ERC2: variants seen among roughly 807,000 people sequenced by gnomAD.
ERC2 encodes the protein ERC protein 2.
Under a neutral mutation model 114.8 loss-of-function variants are expected in ERC2, and 42 were observed. The observed-to-expected ratio is 0.37, with a 90% CI of 0.29 to 0.47. The LOEUF (loss-of-function observed/expected upper bound fraction) is 0.47, where lower values mean the gene tolerates loss of function less well. Ranked by LOEUF, ERC2 falls within the 20% of genes least tolerant of loss-of-function variation. The pLI, the probability that ERC2 is intolerant of heterozygous loss-of-function variation, is 0.99. For missense variants in ERC2, 939 were observed against 1,150.7 expected (o/e 0.82, Z 2.66); for synonymous variants, 454 against 425.5 (o/e 1.07, Z -0.82).
At chr3:56,114,728 T>C (rs1375018016) in intron 6 of ERC2, among the ~76,000 whole-genome samples, 2 of 152,196 alleles carry the variant, frequency 1.3e-5, no homozygotes, top group East Asian at 3.9e-4. Flanking sequence ...ATTGTAACAG[T>C]GAAAGAGATC....
At chr3:55,710,736 G>A (rs2063737192) in intron 15 of ERC2, among the ~76,000 whole-genome samples, 1 of 152,154 alleles carries the variant, frequency 6.6e-6, no homozygotes, top group African/African-American at 2.4e-5. Flanking sequence ...GAAAGTTGGG[G>A]AGACCGTCTC....
chr3:55,860,319 T>C (rs1306535503), intron 14 of ERC2, among the ~76,000 whole-genome samples: 2 of 152,312 alleles, frequency 1.3e-5, no homozygotes, highest in South Asian at 2.1e-4. Context: ...GCAATTTACA[T>C]GTAAGTGGAT....
intron 4 of ERC2, among the ~76,000 whole-genome samples, chr3:56,168,434 A>T (rs944434065): frequency 1.3e-5 from 2 of 152,318 alleles, no homozygotes; most frequent in East Asian, 3.9e-4. Context: ...CACAAATTTC[A>T]TATGAACACA....
chr3:55,673,488 C>A (rs1358457782), intron 17 of ERC2, among the ~76,000 whole-genome samples: 1 of 152,120 alleles, frequency 6.6e-6, no homozygotes, highest in South Asian at 2.1e-4. Flanking sequence ...GAGGCTGAGG[C>A]AGGAGAATCA....
At chr3:56,290,742 C>T (rs2055029265) in intron 3 of ERC2, among the ~76,000 whole-genome samples, 1 of 152,150 alleles carries the variant, frequency 6.6e-6, no homozygotes, top group Admixed American at 6.5e-5. Context: ...CCAGGTAATA[C>T]CTTTTGCCTT....
intron 17 of ERC2, among the ~76,000 whole-genome samples, chr3:55,572,614 C>T (rs79492708): frequency 0.11 from 16,994 of 152,272 alleles, 1,250 homozygotes; most frequent in Non-Finnish European, 0.17. Flanking sequence ...ATAATCTTGT[C>T]AGCAACCCCA....
intron 1 of ERC2, among the ~76,000 whole-genome samples, chr3:56,443,775 T>C (rs6801539): frequency 0.26 from 39,260 of 151,862 alleles, 5,840 homozygotes; most frequent in Middle Eastern, 0.38. Context: ...CAATCAATAA[T>C]GCAATCATGT....
intron 13 of ERC2, among the ~76,000 whole-genome samples, chr3:55,908,560 G>C (rs1303126126): frequency 6.6e-6 from 1 of 152,158 alleles, no homozygotes; most frequent in Non-Finnish European, 1.5e-5. Flanking sequence ...GGGCTGGCAG[G>C]TGAGTCCGAG....
intron 13 of ERC2, among the ~76,000 whole-genome samples, chr3:55,895,815 C>A (rs551361150): frequency 6.6e-6 from 1 of 152,244 alleles, no homozygotes; most frequent in South Asian, 2.1e-4. Context: ...ACTTTCCTAC[C>A]CCATAAATCA....
At chr3:55,652,748 C>T (rs1228948921) in intron 17 of ERC2, among the ~76,000 whole-genome samples, 1 of 150,814 alleles carries the variant, frequency 6.6e-6, no homozygotes, top group African/African-American at 2.4e-5. Flanking sequence ...ATGGCAGGTG[C>T]CTGTAATCTC....
intron 7 of ERC2, among the ~76,000 whole-genome samples, chr3:56,069,146 G>T (rs2149724660): frequency 6.6e-6 from 1 of 152,252 alleles, no homozygotes; most frequent in South Asian, 2.1e-4. Context: ...GGGTGTTAAG[G>T]TCTCCCACTA....
intron 3 of ERC2, among the ~76,000 whole-genome samples, chr3:56,242,868 C>T (rs1167119138): frequency 6.6e-6 from 1 of 152,122 alleles, no homozygotes; most frequent in Non-Finnish European, 1.5e-5. Context: ...TTAATGTATG[C>T]TTATTGGTAG....
chr3:55,846,027 TG>T (rs2061348149), intron 14 of ERC2, among the ~76,000 whole-genome samples: 1 of 152,256 alleles, frequency 6.6e-6, no homozygotes, highest in Non-Finnish European at 1.5e-5. Context: ...GGGCGGTACA[TG>T]TGCAGTTTCG....
chr3:56,467,437 G>A (rs981855876), intron 1 of ERC2, among the ~76,000 whole-genome samples: 1 of 152,136 alleles, frequency 6.6e-6, no homozygotes, highest in African/African-American at 2.4e-5. Flanking sequence ...AGACCCTTAA[G>A]TACAAAATAA....
intron 12 of ERC2, among the ~76,000 whole-genome samples, chr3:55,963,255 A>G (rs753587526): frequency 6.6e-6 from 1 of 152,248 alleles, no homozygotes; most frequent in Non-Finnish European, 1.5e-5. Context: ...GGTTCTATGG[A>G]TGGATATAGC....
intron 3 of ERC2, among the ~76,000 whole-genome samples, chr3:56,216,970 TAGGTATTGATGGGAC>T (rs1442993235): frequency 6.6e-6 from 1 of 152,090 alleles, no homozygotes; most frequent in Non-Finnish European, 1.5e-5. Context: ...CTCAATAAAT[TAGGTATTGATGGGAC>T]GTATCTCAAA....
chr3:55,743,085 T>G (rs2066069089), intron 14 of ERC2, among the ~76,000 whole-genome samples: 1 of 152,138 alleles, frequency 6.6e-6, no homozygotes, highest in Non-Finnish European at 1.5e-5. Flanking sequence ...AAAACTGACC[T>G]CAAAAAAATA....
chr3:56,211,163 G>A (rs866211675), intron 3 of ERC2, among the ~76,000 whole-genome samples: 17 of 152,030 alleles, frequency 1.1e-4, no homozygotes, highest in African/African-American at 1.9e-4. Flanking sequence ...TCAAACTGTC[G>A]CTGCTTGCTG....
chr3:55,531,567 A>T (rs553564329), intron 17 of ERC2, among the ~76,000 whole-genome samples: 2 of 152,162 alleles, frequency 1.3e-5, no homozygotes, highest in Non-Finnish European at 2.9e-5. Context: ...GTCCCCAAAG[A>T]TTCCTGGTTC....
Sources: allele counts gnomAD v4.1 joint callset (sites outside exome capture counted in the v4.1 genomes callset), GRCh38; gene constraint gnomAD v4.1.1; transcripts MANE v1.5; gene names NCBI Gene and HGNC (gene_info 2026-07-23, HGNC 2026-07-21).